The following ELF2 variants were observed in gnomAD, a reference collection of about 807,000 sequenced individuals.
ELF2 encodes the protein E74 like ETS transcription factor 2.
Under a neutral mutation model 54.8 loss-of-function variants are expected in ELF2, and 11 were observed. The ratio of observed to expected loss-of-function variants is 0.20; its 90% CI spans 0.13 to 0.33. ELF2 has a LOEUF of 0.33. Among genes scored for constraint, ELF2 ranks in the 10% least tolerant of loss-of-function variants. The probability of loss-of-function intolerance (pLI) is 1.00; values close to 1 mark genes in which losing one functional copy is unlikely to be tolerated. For synonymous variants in ELF2, 203 were observed against 245.1 expected, an observed-to-expected ratio of 0.83 and a Z score of 1.61; for missense variants, 513 against 703.0, an observed-to-expected ratio of 0.73 and a Z score of 3.06.
At chr4:139,075,487 G>A (rs1156355078) in intron 4 of ELF2, among the ~76,000 whole-genome samples, 1 of 152,130 alleles carries the variant, frequency 6.6e-6, no homozygotes, top group African/African-American at 2.4e-5. Flanking sequence ...CTGGAGTGCA[G>A]TGGCATGATC....
chr4:139,082,804 T>C (rs1288105183), intron 4 of ELF2, among the ~76,000 whole-genome samples: 1 of 152,240 alleles, frequency 6.6e-6, no homozygotes, highest in South Asian at 2.1e-4. Flanking sequence ...GGAACATGTA[T>C]GCTTACTATT....
chr4:139,163,306 ATAACTG>A (rs891232262), intron 1 of ELF2, among the ~76,000 whole-genome samples: 4 of 152,146 alleles, frequency 2.6e-5, no homozygotes, highest in African/African-American at 9.7e-5. Context: ...AGAAAAAAGA[ATAACTG>A]TAAATTCAGA....
intron 4 of ELF2, among the ~76,000 whole-genome samples, chr4:139,094,835 CTTAGAG>C (rs1165038719): frequency 6.6e-6 from 1 of 152,004 alleles, no homozygotes; most frequent in African/African-American, 2.4e-5. Flanking sequence ...CTTTATATAT[CTTAGAG>C]TTATTTTTAG....
chr4:139,072,822 T>C (rs550061365), intron 5 of ELF2, among the ~76,000 whole-genome samples: 1 of 152,370 alleles, frequency 6.6e-6, no homozygotes, highest in South Asian at 2.1e-4. Flanking sequence ...CACAGGATTC[T>C]ATTCAAATTA....
At chr4:139,092,168 C>A (rs1417281812) in intron 4 of ELF2, among the ~76,000 whole-genome samples, 1 of 151,312 alleles carries the variant, frequency 6.6e-6, no homozygotes, top group Non-Finnish European at 1.5e-5. Flanking sequence ...TCAAGACCAG[C>A]CTGGCAAACA....
At chr4:139,132,562 T>G (rs745567417) in intron 3 of ELF2, among the ~76,000 whole-genome samples, 1 of 152,172 alleles carries the variant, frequency 6.6e-6, no homozygotes, top group Non-Finnish European at 1.5e-5. Context: ...AGTTCTCTTT[T>G]GTGTCCAACT....
chr4:139,115,481 G>C, intron 4 of ELF2: 1 of 830,140 alleles, frequency 1.2e-6, no homozygotes, highest in African/African-American at 1.8e-5. Context: ...GGCAGCGGCG[G>C]GGGTGCCCGA....
At chr4:139,135,681 C>T (rs977944501) in intron 3 of ELF2, among the ~76,000 whole-genome samples, 5 of 152,114 alleles carry the variant, frequency 3.3e-5, no homozygotes, top group Admixed American at 6.5e-5. Flanking sequence ...TGGCCACTTA[C>T]GTAGCATAAA....
At chr4:139,145,340 G>C (rs1293466295) in intron 1 of ELF2, among the ~76,000 whole-genome samples, 2 of 152,130 alleles carry the variant, frequency 1.3e-5, no homozygotes, top group Non-Finnish European at 2.9e-5. Flanking sequence ...CACATTGCTG[G>C]GAGACTTGAG....
chr4:139,070,870 A>T (rs1316333040), intron 6 of ELF2, among the ~76,000 whole-genome samples: 1 of 152,232 alleles, frequency 6.6e-6, no homozygotes, highest in Non-Finnish European at 1.5e-5. Context: ...TGGCAATCTG[A>T]AACACTATAT....
intron 4 of ELF2, among the ~76,000 whole-genome samples, chr4:139,122,684 G>A (rs1736506152): frequency 6.6e-6 from 1 of 151,738 alleles, no homozygotes; most frequent in African/African-American, 2.4e-5. Flanking sequence ...TGTATTTTTA[G>A]TAGAGATGGG....
chr4:139,086,995 A>C (rs1732050601), intron 4 of ELF2, among the ~76,000 whole-genome samples: 1 of 152,176 alleles, frequency 6.6e-6, no homozygotes, highest in Non-Finnish European at 1.5e-5. Context: ...TTTTATTGTA[A>C]GTCCTTCTGT....
chr4:139,116,189 A>G (rs1735696246), intron 4 of ELF2, among the ~76,000 whole-genome samples: 3 of 152,232 alleles, frequency 2.0e-5, no homozygotes, highest in Admixed American at 2.0e-4. Context: ...TCACAGTACA[A>G]TTACAATTCA....
At chr4:139,107,889 T>C (rs944231914) in intron 4 of ELF2, among the ~76,000 whole-genome samples, 1 of 150,744 alleles carries the variant, frequency 6.6e-6, no homozygotes. Flanking sequence ...TGATCACAGA[T>C]AAAAACAGAG....
intron 4 of ELF2, among the ~76,000 whole-genome samples, chr4:139,081,924 T>C (rs1731169706): frequency 6.6e-6 from 1 of 152,044 alleles, no homozygotes; most frequent in South Asian, 2.1e-4. Flanking sequence ...ATTATTATCA[T>C]AAACTTTAAG....
chr4:139,142,941 G>A (rs1487064809), intron 1 of ELF2, among the ~76,000 whole-genome samples: 1 of 152,140 alleles, frequency 6.6e-6, no homozygotes, highest in East Asian at 1.9e-4. Flanking sequence ...CAAAATTGAT[G>A]TGGATTGACT....
intron 4 of ELF2, among the ~76,000 whole-genome samples, chr4:139,105,323 T>C (rs568570148): frequency 1.4e-5 from 2 of 147,412 alleles, no homozygotes; most frequent in Admixed American, 1.3e-4. Context: ...GTAGAGACTT[T>C]GCCTTTCTTG....
At chr4:139,162,763 T>C (rs1323833939) in intron 1 of ELF2, among the ~76,000 whole-genome samples, 1 of 152,174 alleles carries the variant, frequency 6.6e-6, no homozygotes, top group Non-Finnish European at 1.5e-5. Flanking sequence ...TTTCAGTCTA[T>C]TAATACACAC....
At chr4:139,115,170 G>T in intron 4 of ELF2, 1 of 1,612,606 alleles carries the variant, frequency 6.2e-7, no homozygotes, top group Non-Finnish European at 8.5e-7. Context: ...CTAGGTTGAG[G>T]CGCTTCCGTA....
Sources: gnomAD v4.1 joint callset for allele counts (sites outside exome capture counted in the v4.1 genomes callset) on GRCh38, gnomAD v4.1.1 for gene constraint, MANE v1.5 for transcripts, NCBI Gene and HGNC (gene_info 2026-07-23, HGNC 2026-07-21) for gene names.